ITGA10: variants seen among roughly 807,000 people sequenced by gnomAD.
The protein encoded by ITGA10 is integrin subunit alpha 10, also known as integrin alpha-10.
In ITGA10, 105 loss-of-function variants were observed where a neutral mutation model predicts 145.2. The ratio of observed to expected loss-of-function variants is 0.72; its 90% CI spans 0.62 to 0.85. ITGA10 has a LOEUF of 0.85. ITGA10 is among the 40% of genes least tolerant of loss of function. ITGA10 has a pLI of 0.00. For synonymous variants in ITGA10, 506 were observed against 557.8 expected, an observed-to-expected ratio of 0.91 and a Z score of 1.31; for missense variants, 1,317 against 1,444.5, an observed-to-expected ratio of 0.91 and a Z score of 1.43.
rs770812454 is a variant in ITGA10 at position 145,905,318 on chromosome 1, T to C, written c.482-507A>G. Among the ~76,000 whole-genome samples the C allele has an allele frequency of 1.5e-3, 228 of 151,918 alleles. 2 individuals are homozygous for C. The highest frequency in any genetic ancestry group is 2.7e-3 in the Non-Finnish European group (186 of 67,928). Reference sequence around the variant, plus strand: ...TTTTTGAGACAGAGTCTCGCTCTATTGCCCAGGCTGGAGTGCAGTGGCGCA... The same window carrying C: ...TTTTTGAGACAGAGTCTCGCTCTATCGCCCAGGCTGGAGTGCAGTGGCGCA... On this transcript the variant is annotated intron_variant, in intron 5 of 29. Coordinates refer to ENST00000369304, the MANE Select transcript of ITGA10 (RefSeq NM_003637.5).
At chr1:145,902,665 G>A in intron 8 of ITGA10, 46 bp from the exon 9 acceptor site, 1 of 1,555,282 alleles carries the variant, frequency 6.4e-7, no homozygotes, top group Non-Finnish European at 8.7e-7. Context: ...AGTTGGTACA[G>A]AACACAGCCA....
intron 7 of ITGA10, 71 bp from the exon 8 acceptor site, chr1:145,903,032 C>T (rs1039203963): frequency 3.6e-5 from 28 of 772,616 alleles, no homozygotes; most frequent in African/African-American, 1.4e-4. Context: ...CATACACACA[C>T]ACACACACAC....
Position 145,900,953 on chromosome 1 carries a change from G to A in ITGA10, c.1628C>T (p.Pro543Leu), listed in dbSNP as rs1553748018. 2 of 1,614,142 alleles carry A rather than the reference G, an allele frequency of 1.2e-6. No individual in the cohort carries two copies. Among genetic ancestry groups the A allele is most frequent in the South Asian group, 2.2e-5 (2 of 91,078 alleles). ...AAAGCCAAACCGAGCATCCTGGGGG[G>A]GTTCTGGCTGAAGTGTTCCTTGGAG... is the stretch of plus-strand genomic sequence containing the variant. ...LTLQGTLQPE[P>L]PQDARFGFAM... Residue 543 changes from proline (P) to leucine (L), a missense_variant, in exon 14 of 30, where the codon CCC becomes CTC. Physicochemically the swap from Pro to Leu is moderately conservative, Grantham distance 98. Coordinates refer to ENST00000369304, the MANE Select transcript of ITGA10 (RefSeq NM_003637.5).
intron 1 of ITGA10, among the ~76,000 whole-genome samples, chr1:145,908,640 C>G (rs1553752205): frequency 2.0e-5 from 3 of 152,154 alleles, no homozygotes; most frequent in African/African-American, 7.2e-5. Flanking sequence ...TCCCATGGTC[C>G]TTTCCCCAAC....
intron 6 of ITGA10, 109 bp downstream of exon 6, chr1:145,904,575 G>C: frequency 8.6e-7 from 1 of 1,167,318 alleles, no homozygotes; most frequent in Non-Finnish European, 1.2e-6. Context: ...AGGTCTCACT[G>C]TATTGCCCAG....
chr1:145,899,816 T>G (rs587752334), intron 15 of ITGA10, among the ~76,000 whole-genome samples: 1 of 152,256 alleles, frequency 6.6e-6, no homozygotes, highest in East Asian at 1.9e-4. Context: ...CAGCCCTAGA[T>G]TCACTTCAAT....
In ITGA10 at chr1:145,901,938, G is replaced by A; in HGVS notation, c.1233C>T (p.Pro411=). The A allele has an allele frequency of 1.2e-6, 2 of 1,614,170 alleles. No individual in the cohort carries two copies. The highest frequency in any genetic ancestry group is 1.7e-6 in the Non-Finnish European group (2 of 1,180,026). Residue 411 remains proline, a synonymous_variant, in exon 11 of 30, where the codon CCC becomes CCT. Coordinates refer to ENST00000369304, the MANE Select transcript of ITGA10 (RefSeq NM_003637.5). This position sits in a 1 kb window ranked among gnomAD's most constrained non-coding sequence, Gnocchi z 4.3. ...LWLEGGHRLF[P]PRMALEDEFP... ...ACTCGTCTTCCAGTGCCATTCGTGG[G>A]GGGAAAAGGCGGTGGCCTCCTTCAA...
chr1:145,895,279 C>T lies in ITGA10; in HGVS notation c.3228+1G>A. The T allele has an allele frequency of 6.2e-7, 1 of 1,608,890 alleles. No individual in the cohort carries two copies. Among genetic ancestry groups the T allele is most frequent in the Non-Finnish European group, 8.5e-7 (1 of 1,175,486 alleles). On this transcript the variant is annotated splice_donor_variant, in intron 27 of 29. Transcript: ENST00000369304. LOFTEE classifies it high-confidence loss of function. ...GGAGTACTAGAAAAGGAAAGGCTTA[C>T]TCTTCGGAAAAATTCATTGTGAACC... is the stretch of plus-strand genomic sequence containing the variant.
rs1657242424 is a variant in ITGA10, at chr1:145,907,068, T to C, written c.247A>G (p.Asn83Asp). 1.3e-6 allele frequency: 2 copies of C among 1,560,848 alleles called. No homozygotes were observed. Among genetic ancestry groups the C allele is most frequent in the African/African-American group, 1.4e-5 (1 of 73,892 alleles). Residue 83 changes from asparagine (N) to aspartate (D), a missense_variant, in exon 3 of 30, where the codon AAT (asparagine) becomes GAT (aspartate). Asn to Asp is a conservative substitution (Grantham distance 23, BLOSUM62 1). Coordinates refer to ENST00000369304, the MANE Select transcript of ITGA10 (RefSeq NM_003637.5). ...VYRCPVGGAH[N>D]APCAKGHLGD... is the part of the protein sequence containing the mutation. ...AAGTGGCCCTTGGCACATGGGGCAT[T>C]GTGGGCCCCCCCTACAGGGCAGCGA...
intron 18 of ITGA10, 78 bp from the exon 19 acceptor site, chr1:145,897,978 C>T: frequency 2.2e-6 from 3 of 1,365,672 alleles, no homozygotes; most frequent in Non-Finnish European, 3.1e-6. Flanking sequence ...AGTGAAAAGA[C>T]AAAAGTGGGT....
At chr1:145,902,126 T>C (rs1365023479) in intron 10 of ITGA10, 105 bp from the exon 11 acceptor site, 1 of 1,573,850 alleles carries the variant, frequency 6.4e-7, no homozygotes, top group Non-Finnish European at 8.7e-7. Flanking sequence ...TGGGCTCAGT[T>C]GGAAAGGCAT....
chr1:145,896,291 G>C lies in ITGA10; in HGVS notation c.2896C>G (p.Pro966Ala), dbSNP rs376077225. The change falls in exon 24 of 30, where the codon CCA (proline) becomes GCA (alanine). Residue 966 changes from proline (P) to alanine (A), a missense_variant. Pro to Ala is a conservative substitution (Grantham distance 27, BLOSUM62 -1). Transcript: ENST00000369304. Reference sequence around the variant, plus strand: ...ACCCTGAGAGTGGTTTTGAATTCTGGGCCAGGACCCACTGGGAGGGTCCCA... The same window carrying C: ...ACCCTGAGAGTGGTTTTGAATTCTGCGCCAGGACCCACTGGGAGGGTCCCA... ...PYGTLPVGPG[P>A]EFKTTLRVQN... is the part of the protein sequence containing the mutation. 1.1e-4 allele frequency: 181 copies of C among 1,613,766 alleles called. No homozygotes were observed. The highest frequency in any genetic ancestry group is 1.4e-4 in the Non-Finnish European group (162 of 1,179,828).
rs587724155 is a variant in ITGA10 at position 145,900,740 on chromosome 1, CT to C, written c.1791+49del. 334 of 1,570,878 alleles carry C rather than the reference CT, an allele frequency of 2.1e-4. 2 individuals carry two copies. In the African/African-American group the frequency reaches 4.2e-3, roughly 20 times the overall value. On this transcript the variant is annotated intron_variant, in intron 14 of 29. Coordinates refer to ENST00000369304, the MANE Select transcript of ITGA10 (RefSeq NM_003637.5). ...CTATTGACAAGCAAAGAGCATCCCC[CT>C]ATTCCTCTTCCTACAACCGTGCCCC...
chr1:145,906,789 C>T lies in ITGA10; in HGVS notation c.310G>A (p.Val104Met). Residue 104 changes from valine to methionine, a missense_variant, in exon 4 of 30, where the codon GTG (valine) becomes ATG (methionine). Coordinates refer to ENST00000369304, the MANE Select transcript of ITGA10 (RefSeq NM_003637.5). ...YQLGNSSHPA[V>M]NMHLGMSLLE... ...AGAGACATCCCCAGGTGCATATTCA[C>T]AGCAGGATGAGATGAATTTCCCAGT... 6.2e-7 allele frequency: 1 copy of T among 1,613,942 alleles called. No homozygotes were observed. The highest frequency in any genetic ancestry group is 8.5e-7 in the Non-Finnish European group (1 of 1,179,846).
chr1:145,902,273 C>G lies in ITGA10; in HGVS notation c.1122G>C (p.Gln374His), dbSNP rs782000388. The G allele has an allele frequency of 5.6e-6, 9 of 1,614,040 alleles. No individual in the cohort carries two copies. The highest frequency in any genetic ancestry group is 5.5e-5 in the South Asian group (5 of 91,082). The change falls in exon 10 of 30, where the codon CAG becomes CAC. Residue 374 changes from glutamine (Q) to histidine (H), a missense_variant. Gln to His is a conservative substitution (Grantham distance 24, BLOSUM62 0). Transcript: ENST00000369304. ...NESSFGLEMSQIGFSTHRLKD... is the reference protein window; with the variant it reads ...NESSFGLEMSHIGFSTHRLKD... ...TTAGCCGATGAGTGGAGAAACCAAT[C>G]TGAGACATTTCCAGCCCAAAGGAGC... is the stretch of plus-strand genomic sequence containing the variant.
chr1:145,898,996 A>T lies in ITGA10; in HGVS notation c.2172T>A (p.Pro724=), dbSNP rs1553746581. Residue 724 remains proline (P), a synonymous_variant, in exon 17 of 30, where the codon CCT becomes CCA. Transcript: ENST00000369304. Reference sequence around the variant, plus strand: ...TCCCCACACTGAGCCGGAGCCTCCGAGGGGACAACCTCTGGCCAGAGCCAT... The same window carrying T: ...TCCCCACACTGAGCCGGAGCCTCCGTGGGGACAACCTCTGGCCAGAGCCAT... ...AFDGSGQRLS[P]RRLRLSVGNV... 6.2e-7 allele frequency: 1 copy of T among 1,614,218 alleles called. No individual in the cohort carries two copies. Among genetic ancestry groups the T allele is most frequent in the Admixed American group, 1.7e-5 (1 of 60,024 alleles).
intron 5 of ITGA10, among the ~76,000 whole-genome samples, chr1:145,905,515 G>A (rs1353524300): frequency 3.9e-5 from 6 of 151,992 alleles, no homozygotes; most frequent in Non-Finnish European, 8.8e-5. Flanking sequence ...TCCTGACCTC[G>A]TGATCCACTG....
In ITGA10 at chr1:145,900,819, G is replaced by A; in HGVS notation, c.1762C>T (p.Gln588Ter). The A allele has an allele frequency of 1.2e-6, 2 of 1,614,096 alleles. No individual in the cohort carries two copies. The highest frequency in any genetic ancestry group is 1.7e-6 in the Non-Finnish European group (2 of 1,180,020). The change falls in exon 14 of 30, where the codon CAG becomes TAG. Residue 588 changes from glutamine (Q) to a stop codon, truncating the protein, a stop_gained. Coordinates refer to ENST00000369304, the MANE Select transcript of ITGA10 (RefSeq NM_003637.5). LOFTEE classifies it high-confidence loss of function. ...QGALYLYHGT[Q>*]SGVRPHPAQR... ...GCAGGATGGGGCCTGACTCCACTCTGGGTTCCATGGTACAGGTACAGTGCT... is the reference window on the plus strand; with the variant it reads ...GCAGGATGGGGCCTGACTCCACTCTAGGTTCCATGGTACAGGTACAGTGCT...
At chr1:145,896,632 G>T in intron 23 of ITGA10, 137 bp downstream of exon 23, 2 of 761,852 alleles carry the variant, frequency 2.6e-6, no homozygotes, top group Non-Finnish European at 4.7e-6. Context: ...GCATGAATAG[G>T]ATTGAGGGCA....
Sources: allele counts gnomAD v4.1 joint callset (sites outside exome capture counted in the v4.1 genomes callset), GRCh38; gene constraint gnomAD v4.1.1; non-coding constraint Gnocchi (gnomAD v3.1); transcripts MANE v1.5; gene names NCBI Gene and HGNC (gene_info 2026-07-23, HGNC 2026-07-21).